RBFOX1: variants seen among roughly 807,000 people sequenced by gnomAD.
RBFOX1 encodes the protein RNA binding protein fox-1 homolog 1.
RBFOX1 carries 8 observed loss-of-function variants against 57.7 expected under a neutral mutation model. That is an observed-to-expected ratio of 0.14 (90% confidence interval 0.08 to 0.25). RBFOX1 has a LOEUF of 0.25. Among genes scored for constraint, RBFOX1 ranks in the 10% least tolerant of loss-of-function variants. RBFOX1 has a pLI of 1.00. For missense variants in RBFOX1, 611 were observed against 548.5 expected (o/e 1.11, Z -1.14); for synonymous variants, 326 against 222.4 (o/e 1.47, Z -4.15).
intron 11 of RBFOX1, among the ~76,000 whole-genome samples, chr16:7,650,016 A>AGG (rs1555715938): frequency 2.9e-5 from 1 of 34,540 alleles, no homozygotes; most frequent in East Asian, 2.2e-3. Flanking sequence ...GAGGGAAGAC[A>AGG]AAAGGAAGAA....
At chr16:6,279,961 T>G (rs1370706776) in intron 1 of RBFOX1, among the ~76,000 whole-genome samples, 1 of 151,910 alleles carries the variant, frequency 6.6e-6, no homozygotes, top group African/African-American at 2.4e-5. Context: ...CGATATTAAA[T>G]TGGAAGGTGT....
Position 7,380,348 on chromosome 16 carries a change from G to C in RBFOX1, c.28-137799G>C, listed in dbSNP as rs557651249. On this transcript the variant is annotated intron_variant, in intron 4 of 15. Transcript: ENST00000550418. ...TAATTGTTTAGTACATACCTTTGCA[G>C]ATATTTTGTGCATATTAAAAATATA... is the stretch of plus-strand genomic sequence containing the variant. 2.0e-5 allele frequency among the ~76,000 whole-genome samples: 3 copies of C among 152,204 alleles called. No individual in the cohort carries two copies. In the South Asian group the frequency reaches 6.2e-4, roughly 32 times the overall value.
chr16:6,788,763 C>A (rs1469539582), intron 3 of RBFOX1, among the ~76,000 whole-genome samples: 1 of 151,824 alleles, frequency 6.6e-6, no homozygotes, highest in Non-Finnish European at 1.5e-5. Context: ...GTGTGAGCGA[C>A]CGTGCCCGGC....
chr16:5,832,442 G>T (rs2056308336), intron 3 of RBFOX1, among the ~76,000 whole-genome samples: 1 of 152,216 alleles, frequency 6.6e-6, no homozygotes, highest in Non-Finnish European at 1.5e-5. Flanking sequence ...ACATCTGTGT[G>T]CCTTAGTTTC....
chr16:5,891,263 G>C (rs1449943457), intron 4 of RBFOX1, among the ~76,000 whole-genome samples: 1 of 152,142 alleles, frequency 6.6e-6, no homozygotes, highest in Non-Finnish European at 1.5e-5. Flanking sequence ...GAAGCCAAGG[G>C]CACGGGAGGA....
chr16:5,911,586 C>T (rs973651886), intron 4 of RBFOX1, among the ~76,000 whole-genome samples: 51 of 152,172 alleles, frequency 3.4e-4, no homozygotes, highest in African/African-American at 1.1e-3. Flanking sequence ...TAGCTTCTGA[C>T]GGGGGGTGCG....
intron 2 of RBFOX1, among the ~76,000 whole-genome samples, chr16:6,609,957 G>A (rs1226015821): frequency 2.6e-5 from 4 of 152,038 alleles, no homozygotes; most frequent in Non-Finnish European, 5.9e-5. Flanking sequence ...GCCGTGAGCC[G>A]AGATCACGCC....
intron 2 of RBFOX1, among the ~76,000 whole-genome samples, chr16:6,463,721 T>C (rs2094973551): frequency 6.6e-6 from 1 of 152,222 alleles, no homozygotes; most frequent in African/African-American, 2.4e-5. Context: ...GCTCCGCCAT[T>C]ATACAGCAGA....
chr16:6,985,238 T>A (rs1043937784), intron 3 of RBFOX1, among the ~76,000 whole-genome samples: 7 of 152,210 alleles, frequency 4.6e-5, no homozygotes, highest in African/African-American at 1.7e-4. Flanking sequence ...TCTTGTCTTT[T>A]CTGGGCTACA....
intron 4 of RBFOX1, among the ~76,000 whole-genome samples, chr16:7,209,802 G>A (rs893757015): frequency 6.6e-6 from 1 of 152,164 alleles, no homozygotes; most frequent in Non-Finnish European, 1.5e-5. Flanking sequence ...AATGTTGAAT[G>A]AATGGATGAT....
chr16:5,833,494 C>CAA (rs1183168830), intron 3 of RBFOX1, among the ~76,000 whole-genome samples: 2,690 of 59,332 alleles, frequency 0.045, 108 homozygotes, highest in African/African-American at 0.12. Context: ...GACTCTATCT[C>CAA]AAAAAAAAAA....
intron 4 of RBFOX1, among the ~76,000 whole-genome samples, chr16:7,505,424 C>T (rs1416375409): frequency 1.3e-5 from 2 of 152,146 alleles, no homozygotes; most frequent in East Asian, 1.9e-4. Flanking sequence ...GTGCTTGATG[C>T]CGTTGGTTGG....
chr16:7,123,740 A>G (rs2067741138), intron 4 of RBFOX1, among the ~76,000 whole-genome samples: 1 of 152,168 alleles, frequency 6.6e-6, no homozygotes, highest in Non-Finnish European at 1.5e-5. Context: ...ATATATATTT[A>G]TATTGTATGA....
chr16:7,074,939 G>C (rs943191869), intron 4 of RBFOX1, among the ~76,000 whole-genome samples: 1 of 152,162 alleles, frequency 6.6e-6, no homozygotes, highest in African/African-American at 2.4e-5. Flanking sequence ...ATTGGAAATG[G>C]TGAGGTTGGG....
chr16:7,621,218 C>T (rs1280499261), intron 10 of RBFOX1, among the ~76,000 whole-genome samples: 1 of 152,092 alleles, frequency 6.6e-6, no homozygotes, highest in African/African-American at 2.4e-5. Flanking sequence ...TTTGTTGTGG[C>T]TGAATTGATA....
rs1221371995 is a variant in RBFOX1, at chr16:6,719,647, C to T, written c.-16+64997C>T. On this transcript the variant is annotated intron_variant, in intron 3 of 15. Coordinates refer to ENST00000550418, the MANE Select transcript of RBFOX1 (RefSeq NM_018723.4). ...ATTTTTAGTAGAGATGGGGTTTCAC[C>T]ATGTTAGCTAGGATGGTCTTGATCT... Among the ~76,000 whole-genome samples, 10 of 151,674 alleles carry T rather than the reference C, an allele frequency of 6.6e-5. No individual in the cohort carries two copies. In the East Asian group the frequency reaches 1.8e-3, roughly 27 times the overall value.
At chr16:7,143,595 C>T (rs1165143109) in intron 4 of RBFOX1, among the ~76,000 whole-genome samples, 1 of 152,120 alleles carries the variant, frequency 6.6e-6, no homozygotes, top group Admixed American at 6.5e-5. Flanking sequence ...ACCTCCTTCT[C>T]ACTCACCCTT....
chr16:7,557,185 T>TG (rs924090150), intron 5 of RBFOX1, among the ~76,000 whole-genome samples: 4 of 152,148 alleles, frequency 2.6e-5, no homozygotes, highest in African/African-American at 7.2e-5. Flanking sequence ...GTGCTACTCA[T>TG]GGGGCCGGGT....
intron 3 of RBFOX1, among the ~76,000 whole-genome samples, chr16:6,803,484 T>G (rs2085980736): frequency 6.6e-6 from 1 of 152,208 alleles, no homozygotes; most frequent in Admixed American, 6.5e-5. Flanking sequence ...ACTGAAATTT[T>G]TAGCTCCCCA....
Sources: gnomAD v4.1 joint callset for allele counts (sites outside exome capture counted in the v4.1 genomes callset) on GRCh38, gnomAD v4.1.1 for gene constraint, MANE v1.5 for transcripts, NCBI Gene and HGNC (gene_info 2026-07-23, HGNC 2026-07-21) for gene names.